The following PTPN3 variants were observed in gnomAD, a reference collection of about 807,000 sequenced individuals.
PTPN3 encodes the protein protein tyrosine phosphatase non-receptor type 3.
PTPN3 carries 96 observed loss-of-function variants against 132.7 expected under a neutral mutation model. The ratio of observed to expected loss-of-function variants is 0.72; its 90% CI spans 0.61 to 0.86. PTPN3 has a LOEUF of 0.86. Ranked by LOEUF, PTPN3 falls within the 40% of genes least tolerant of loss-of-function variation. PTPN3 has a pLI of 0.00. For synonymous variants in PTPN3, 398 were observed against 429.0 expected, an observed-to-expected ratio of 0.93 and a Z score of 0.89; for missense variants, 1,125 against 1,159.6, an observed-to-expected ratio of 0.97 and a Z score of 0.43.
chr9:109,426,743 T>G (rs1843308517), intron 12 of PTPN3, among the ~76,000 whole-genome samples: 1 of 151,882 alleles, frequency 6.6e-6, no homozygotes, highest in African/African-American at 2.4e-5. Context: ...TTCAGCAGAG[T>G]TGAGGGGAGA....
intron 16 of PTPN3, among the ~76,000 whole-genome samples, chr9:109,409,439 T>C (rs1209421303): frequency 1.3e-5 from 2 of 152,148 alleles, no homozygotes; most frequent in Non-Finnish European, 2.9e-5. Context: ...TTATCAGAAC[T>C]TAAGAAGGTG....
intron 1 of PTPN3, among the ~76,000 whole-genome samples, chr9:109,486,849 A>G (rs1348392775): frequency 6.6e-6 from 1 of 151,832 alleles, no homozygotes; most frequent in Non-Finnish European, 1.5e-5. Context: ...TTCTCACGAG[A>G]TCTGATGGTT....
chr9:109,428,620 C>T lies in PTPN3; in HGVS notation c.828+1G>A. ...AAGCAAGCAAAGACATAACTACTCA[C>T]CTGTTTCTGTCGCTGATGTATGAAG... On this transcript the variant is annotated splice_donor_variant, in intron 11 of 25. Transcript: ENST00000374541. LOFTEE classifies it high-confidence loss of function. 1.2e-6 allele frequency: 2 copies of T among 1,613,176 alleles called. No individual in the cohort carries two copies. The highest frequency in any genetic ancestry group is 1.7e-6 in the Non-Finnish European group (2 of 1,179,192).
chr9:109,532,594 A>AC, the PTPN3 span, among the ~76,000 whole-genome samples: 1 of 115,678 alleles, frequency 8.6e-6, no homozygotes, highest in South Asian at 3.3e-4. Flanking sequence ...TAAAAAAAAA[A>AC]AGAACTAAAC....
At chr9:109,496,023 T>C (rs762400692) in intron 1 of PTPN3, among the ~76,000 whole-genome samples, 1 of 152,246 alleles carries the variant, frequency 6.6e-6, no homozygotes, top group Non-Finnish European at 1.5e-5. Flanking sequence ...AGAAGTTCAA[T>C]AAATGCCTCA....
At chr9:109,531,398 G>C in the PTPN3 span, among the ~76,000 whole-genome samples, 1 of 152,148 alleles carries the variant, frequency 6.6e-6, no homozygotes, top group African/African-American at 2.4e-5. Context: ...GGATGGCCTT[G>C]ATCTTATTAA....
At position 109,410,369 on chromosome 9, in the gene PTPN3, A is replaced by G; in HGVS notation, c.1360T>C (p.Ser454Pro). ...GAAGATGGAGACACAGAACTGGATGACTTCTGGGTCAGGTAGCTTTGTGCC... is the reference window on the plus strand; with the variant it reads ...GAAGATGGAGACACAGAACTGGATGGCTTCTGGGTCAGGTAGCTTTGTGCC... ...NPAQSYLTQKSSSSVSPSSNA... is the reference protein window; with the variant it reads ...NPAQSYLTQKPSSSVSPSSNA... Residue 454 changes from serine to proline, a missense_variant, in exon 15 of 26, where the codon TCA becomes CCA. Ser to Pro is a moderately conservative substitution (Grantham distance 74, BLOSUM62 -1). Coordinates refer to ENST00000374541, the MANE Select transcript of PTPN3 (RefSeq NM_002829.4). 6.2e-7 allele frequency: 1 copy of G among 1,614,034 alleles called. No homozygotes were observed. Among genetic ancestry groups the G allele is most frequent in the East Asian group, 2.2e-5 (1 of 44,878 alleles).
chr9:109,523,147 C>T, the PTPN3 span, among the ~76,000 whole-genome samples: 2 of 149,610 alleles, frequency 1.3e-5, no homozygotes, highest in Non-Finnish European at 3.0e-5. Context: ...GATGGAGTCT[C>T]GCTTTGTCGC....
chr9:109,414,483 A>G lies in PTPN3; in HGVS notation c.1314-4068T>C, dbSNP rs1038389833. On this transcript the variant is annotated intron_variant, in intron 14 of 25. Transcript: ENST00000374541. ...TAAAATTCCTGGAGAAATTTCCCACATGGCTCCTCACATAAGGGTCCTTGA... is the reference window on the plus strand; with the variant it reads ...TAAAATTCCTGGAGAAATTTCCCACGTGGCTCCTCACATAAGGGTCCTTGA... Among the ~76,000 whole-genome samples, 4 of 152,230 alleles carry G rather than the reference A, an allele frequency of 2.6e-5. No homozygotes were observed. In the South Asian group the frequency reaches 6.2e-4, roughly 24 times the overall value.
At chr9:109,423,343 G>T (rs1843011483) in intron 12 of PTPN3, among the ~76,000 whole-genome samples, 1 of 152,246 alleles carries the variant, frequency 6.6e-6, no homozygotes, top group Admixed American at 6.5e-5. Flanking sequence ...AGTGGCTCAT[G>T]CCTGCAATCC....
chr9:109,420,307 G>T, intron 14 of PTPN3, 117 bp downstream of exon 14: 1 of 1,066,994 alleles, frequency 9.4e-7, no homozygotes. Flanking sequence ...AGGCACCTGT[G>T]GGAGCTGGCT....
chr9:109,426,911 C>G, intron 12 of PTPN3, 39 bp downstream of exon 12: 1 of 1,557,768 alleles, frequency 6.4e-7, no homozygotes, highest in South Asian at 1.1e-5. Context: ...GCATTTACAT[C>G]TCAGCCTAGT....
intron 22 of PTPN3, among the ~76,000 whole-genome samples, chr9:109,388,350 G>A (rs1382649396): frequency 6.6e-6 from 1 of 152,210 alleles, no homozygotes; most frequent in Non-Finnish European, 1.5e-5. Context: ...GGGAGGTTAA[G>A]TTCCAGGGCC....
intron 1 of PTPN3, among the ~76,000 whole-genome samples, chr9:109,475,056 C>T (rs1846585320): frequency 6.6e-6 from 1 of 152,154 alleles, no homozygotes; most frequent in Admixed American, 6.5e-5. Context: ...CATTTCTCTT[C>T]AACAGACGAA....
intron 17 of PTPN3, among the ~76,000 whole-genome samples, chr9:109,407,717 G>C (rs1438167872): frequency 6.6e-6 from 1 of 152,020 alleles, no homozygotes; most frequent in Non-Finnish European, 1.5e-5. Flanking sequence ...GATAATTTTT[G>C]TATTTTTTGT....
chr9:109,463,086 A>AACATCTGAGCGTCAAACAGTTCACACCG lies in PTPN3; in HGVS notation c.138+210_138+211insCGGTGTGAACTGTTTGACGCTCAGATGT, dbSNP rs1564465549. ...ATCTGAGCGTCAAACAGTTCACACC[A>AACATCTGAGCGTCAAACAGTTCACACCG]CACAGAAGGGCGGGGGGAAGACCCT... On this transcript the variant is annotated intron_variant, in intron 2 of 25. Coordinates refer to ENST00000374541, the MANE Select transcript of PTPN3 (RefSeq NM_002829.4). Among the ~76,000 whole-genome samples, 21 of 150,828 alleles carry AACATCTGAGCGTCAAACAGTTCACACCG rather than the reference A, an allele frequency of 1.4e-4. No individual in the cohort carries two copies. In the South Asian group the frequency reaches 4.0e-3, roughly 29 times the overall value.
intron 22 of PTPN3, among the ~76,000 whole-genome samples, chr9:109,385,110 A>G (rs1448811065): frequency 2.0e-5 from 3 of 152,212 alleles, no homozygotes; most frequent in African/African-American, 7.2e-5. Flanking sequence ...AGAACTACCA[A>G]TATCTGTACT....
the PTPN3 span, among the ~76,000 whole-genome samples, chr9:109,514,819 C>G: frequency 6.6e-6 from 1 of 152,096 alleles, no homozygotes; most frequent in Non-Finnish European, 1.5e-5. Flanking sequence ...AGATGTGAGG[C>G]AATTAGAGGC....
rs568449195 is a variant in PTPN3 at position 109,404,574 on chromosome 9, A to C, written c.1827T>G (p.Asp609Glu). 1 of 1,559,882 alleles carries C rather than the reference A, an allele frequency of 6.4e-7. No individual in the cohort carries two copies. Among genetic ancestry groups the C allele is most frequent in the South Asian group, 1.2e-5 (1 of 80,974 alleles). ...VRSFADFKSE[D>E]ELNQLFPEAI... ...CTTCGGGGAAAAGCTGGTTCAGTTC[A>C]TCTTCAGACTTGAAGTCAGCAAATG... The change falls in exon 19 of 26, where the codon GAT becomes GAG. Residue 609 changes from aspartate (D) to glutamate (E), a missense_variant. Coordinates refer to ENST00000374541, the MANE Select transcript of PTPN3 (RefSeq NM_002829.4).
Sources: gnomAD v4.1 joint callset for allele counts (sites outside exome capture counted in the v4.1 genomes callset) on GRCh38, gnomAD v4.1.1 for gene constraint, MANE v1.5 for transcripts, NCBI Gene and HGNC (gene_info 2026-07-23, HGNC 2026-07-21) for gene names.